PHACTR3: variants seen among roughly 807,000 people sequenced by gnomAD.
The protein encoded by PHACTR3 is protein phosphatase 1, regulatory subunit 123.
PHACTR3 carries 16 observed loss-of-function variants against 66.8 expected under a neutral mutation model. The ratio of observed to expected loss-of-function variants is 0.24; its 90% CI spans 0.16 to 0.36. PHACTR3 has a LOEUF of 0.36. Ranked by LOEUF, PHACTR3 falls within the 10% of genes least tolerant of loss-of-function variation. The pLI is 1.00. For missense variants in PHACTR3, 647 were observed against 719.9 expected, an observed-to-expected ratio of 0.90 and a Z score of 1.16; for synonymous variants, 323 against 292.1, an observed-to-expected ratio of 1.11 and a Z score of -1.08.
At chr20:59,785,036 A>G (rs368975207) in intron 7 of PHACTR3, among the ~76,000 whole-genome samples, 1 of 152,200 alleles carries the variant, frequency 6.6e-6, no homozygotes. Context: ...GGCTCCAGAG[A>G]AAAGACAGGG....
chr20:59,827,145 G>A (rs1201572377), intron 8 of PHACTR3, among the ~76,000 whole-genome samples: 1 of 152,172 alleles, frequency 6.6e-6, no homozygotes, highest in Non-Finnish European at 1.5e-5. Flanking sequence ...GAAGGGGCAT[G>A]TTCACGGTGG....
At chr20:59,591,744 A>G (rs180916227) in intron 1 of PHACTR3, among the ~76,000 whole-genome samples, 3 of 152,268 alleles carry the variant, frequency 2.0e-5, no homozygotes, top group East Asian at 3.9e-4. Flanking sequence ...TGTGAATGTT[A>G]AAGGGCCAAG....
intron 2 of PHACTR3, among the ~76,000 whole-genome samples, chr20:59,744,335 AAG>A (rs1236977823): frequency 6.6e-6 from 1 of 152,144 alleles, no homozygotes; most frequent in Non-Finnish European, 1.5e-5. Context: ...GTGTTCTGAG[AAG>A]AGAGCCCGGA....
At position 59,736,196 on chromosome 20, in the gene PHACTR3, G is replaced by A. The variant is rs777202880; in HGVS notation, c.119-6911G>A. 6.6e-6 allele frequency among the ~76,000 whole-genome samples: 1 copy of A among 152,114 alleles called. No individual in the cohort carries two copies. Among genetic ancestry groups the A allele is most frequent in the Non-Finnish European group, 1.5e-5 (1 of 68,000 alleles). Reference sequence around the variant, plus strand: ...TAGCACTTCCTCACACAGATGCCAGGTGTGACAGACATTTCCCATTAATTA... The same window carrying A: ...TAGCACTTCCTCACACAGATGCCAGATGTGACAGACATTTCCCATTAATTA... On this transcript the variant is annotated intron_variant, in intron 1 of 12. Transcript: ENST00000371015. This position sits in a 1 kb window ranked among gnomAD's most constrained non-coding sequence, Gnocchi z 4.6.
intron 7 of PHACTR3, among the ~76,000 whole-genome samples, chr20:59,782,050 C>T (rs1057228633): frequency 6.6e-6 from 1 of 152,168 alleles, no homozygotes; most frequent in African/African-American, 2.4e-5. Context: ...AGAAACTAGA[C>T]ACAGTCTCCA....
chr20:59,716,411 C>T (rs978949351), intron 1 of PHACTR3, among the ~76,000 whole-genome samples: 1 of 151,986 alleles, frequency 6.6e-6, no homozygotes, highest in African/African-American at 2.4e-5. Flanking sequence ...TGCCACCATA[C>T]CTGTCTAATT....
chr20:59,757,017 A>C (rs1295065098), intron 4 of PHACTR3, among the ~76,000 whole-genome samples: 2 of 152,242 alleles, frequency 1.3e-5, no homozygotes, highest in African/African-American at 4.8e-5. Context: ...ATTGATAAGA[A>C]AAAAACCCCA....
chr20:59,768,079 G>T (rs2040242239), intron 5 of PHACTR3, among the ~76,000 whole-genome samples: 2 of 152,192 alleles, frequency 1.3e-5, no homozygotes, highest in Admixed American at 1.3e-4. Flanking sequence ...TCAGATAGGG[G>T]TGCACAGCTG....
intron 1 of PHACTR3, among the ~76,000 whole-genome samples, chr20:59,718,523 A>G (rs2038178041): frequency 6.6e-6 from 1 of 152,022 alleles, no homozygotes; most frequent in South Asian, 2.1e-4. Context: ...GGAAAGAGAC[A>G]TGCAGGTACA....
At chr20:59,679,496 T>C (rs867539314) in intron 1 of PHACTR3, among the ~76,000 whole-genome samples, 26 of 152,328 alleles carry the variant, frequency 1.7e-4, no homozygotes, top group African/African-American at 6.0e-4. Flanking sequence ...ATAATAGGGC[T>C]TAGGACAGCT....
rs751502719 is a variant in PHACTR3, at chr20:59,774,328, G to C, written c.1012G>C (p.Glu338Gln). The C allele has an allele frequency of 6.2e-7, 1 of 1,614,232 alleles. No homozygotes were observed. Among genetic ancestry groups the C allele is most frequent in the Admixed American group, 1.7e-5 (1 of 60,030 alleles). Residue 338 changes from glutamate to glutamine, a missense_variant, in exon 7 of 13, where the codon GAG becomes CAG. By Grantham distance (29) the Glu-to-Gln change is conservative (BLOSUM62 2). Coordinates refer to ENST00000371015, the MANE Select transcript of PHACTR3 (RefSeq NM_080672.5). ...AACGTCCAGCGTGGAGCGGGGCAAG[G>C]AGAGGGAGGAGGCTTGGAGCTTTGA... ...SRTSSVERGK[E>Q]REEAWSFDGA...
intron 2 of PHACTR3, among the ~76,000 whole-genome samples, chr20:59,744,884 C>T (rs765177086): frequency 6.6e-6 from 1 of 152,160 alleles, no homozygotes; most frequent in Non-Finnish European, 1.5e-5. Context: ...GCACGTGAGT[C>T]GATTGCAGAC....
At chr20:59,718,750 C>A (rs780589574) in intron 1 of PHACTR3, among the ~76,000 whole-genome samples, 1 of 152,070 alleles carries the variant, frequency 6.6e-6, no homozygotes, top group Non-Finnish European at 1.5e-5. Flanking sequence ...TAAATTAAAA[C>A]CTTGAGGAAT....
At chr20:59,635,212 C>T (rs12480612) in intron 1 of PHACTR3, among the ~76,000 whole-genome samples, 1 of 90,014 alleles carries the variant, frequency 1.1e-5, no homozygotes, top group African/African-American at 4.2e-5. Flanking sequence ...TTCTTTCCTT[C>T]CTTCCTTCCT....
At chr20:59,762,941 C>T (rs553031542) in intron 4 of PHACTR3, among the ~76,000 whole-genome samples, 5 of 152,244 alleles carry the variant, frequency 3.3e-5, no homozygotes, top group South Asian at 4.1e-4. Flanking sequence ...AGAAGGATGG[C>T]GTGGGGCATC....
intron 11 of PHACTR3, 168 bp from the exon 12 acceptor site, chr20:59,845,021 A>G: frequency 1.9e-6 from 1 of 521,616 alleles, no homozygotes; most frequent in East Asian, 3.3e-5. Context: ...GTAGGACTAT[A>G]ATAATGAGTA....
chr20:59,836,343 T>G (rs995606353), intron 8 of PHACTR3, 162 bp from the exon 9 acceptor site: 8 of 595,166 alleles, frequency 1.3e-5, no homozygotes, highest in Admixed American at 3.4e-5. Flanking sequence ...CTGACTTGAT[T>G]TTGCCAGCAA....
chr20:59,629,217 G>A lies in PHACTR3; in HGVS notation c.118+24085G>A, dbSNP rs142080072. On this transcript the variant is annotated intron_variant, in intron 1 of 12. Transcript: ENST00000371015. ...TGCCCACCTGCTTCCTTTTCTCTAC[G>A]TTGTGCCCCCACCATGCTCCAGTGG... Among the ~76,000 whole-genome samples the A allele has an allele frequency of 1.7e-4, 26 of 152,308 alleles. No homozygotes were observed. In the East Asian group the frequency reaches 4.1e-3, roughly 24 times the overall value.
At chr20:59,771,093 G>A (rs985244047) in intron 5 of PHACTR3, among the ~76,000 whole-genome samples, 1 of 152,204 alleles carries the variant, frequency 6.6e-6, no homozygotes, top group Non-Finnish European at 1.5e-5. Context: ...GGGCAGTGCT[G>A]GTTGTCACAT....
Sources: allele counts gnomAD v4.1 joint callset (sites outside exome capture counted in the v4.1 genomes callset), GRCh38; gene constraint gnomAD v4.1.1; non-coding constraint Gnocchi (gnomAD v3.1); transcripts MANE v1.5; gene names NCBI Gene and HGNC (gene_info 2026-07-23, HGNC 2026-07-21).